GZF1: variants seen among roughly 807,000 people sequenced by gnomAD.
GZF1 encodes GDNF inducible zinc finger protein 1.
In GZF1, 28 loss-of-function variants were observed where a neutral mutation model predicts 49.4. The ratio of observed to expected loss-of-function variants is 0.57; its 90% confidence interval spans 0.42 to 0.78. The LOEUF (loss-of-function observed/expected upper bound fraction) is 0.78. GZF1 is among the 30% of genes least tolerant of loss of function. The pLI is 0.00. For missense variants in GZF1, 798 were observed against 916.2 expected (o/e 0.87, Z 1.67); for synonymous variants, 364 against 356.0 (o/e 1.02, Z -0.25).
In GZF1 at chr20:23,364,533, G is replaced by A. The variant is rs540788122; in HGVS notation, c.150G>A (p.Lys50=). Reference sequence around the variant, plus strand: ...TCCGCAAAGACTTCATGGCCCACAAGGCAGTGCTGGCTGCCACCAGCAAGT... The same window carrying A: ...TCCGCAAAGACTTCATGGCCCACAAAGCAGTGCTGGCTGCCACCAGCAAGT... ...QGVRKDFMAH[K]AVLAATSKFF... The change falls in exon 2 of 6, where the codon AAG becomes AAA. Residue 50 remains lysine (K), a synonymous_variant. Coordinates refer to ENST00000338121, the MANE Select transcript of GZF1 (RefSeq NM_022482.5). The A allele has an allele frequency of 2.5e-6, 4 of 1,614,252 alleles. No individual in the cohort carries two copies. The highest frequency in any genetic ancestry group is 3.3e-5 in the Admixed American group (2 of 60,024).
rs766454027 is a variant in GZF1 at position 23,370,217 on chromosome 20, T to A, written c.1912T>A (p.Leu638Met). 8 of 1,614,162 alleles carry A rather than the reference T, an allele frequency of 5.0e-6. No homozygotes were observed. In the Admixed American group the frequency reaches 5.0e-5, roughly 10 times the overall value. Residue 638 changes from leucine (L) to methionine (M), a missense_variant, in exon 6 of 6, where the codon TTG becomes ATG. Leu to Met is a conservative substitution (Grantham distance 15). Around this residue, in one of 3 missense-constraint regions of GZF1, gnomAD observed 446 missense variants for 540.1 expected, o/e 0.83. Transcript: ENST00000338121. ...EYVSSKLSDK[L>M]LSFAENGHFH... is the part of the protein sequence containing the mutation. ...TGTGTCATCCAAGCTTTCGGATAAA[T>A]TGCTGTCTTTTGCAGAAAATGGCCA...
rs148077942 is a variant in GZF1 at position 23,370,210 on chromosome 20, G to A, written c.1905G>A (p.Ser635=). Residue 635 remains serine, a synonymous_variant, in exon 6 of 6, where the codon TCG becomes TCA. Coordinates refer to ENST00000338121, the MANE Select transcript of GZF1 (RefSeq NM_022482.5). ...PDEEYVSSKL[S]DKLLSFAENG... The stretch of plus-strand genomic sequence containing the variant: ...AAGAGTATGTGTCATCCAAGCTTTC[G>A]GATAAATTGCTGTCTTTTGCAGAAA... The A allele has an allele frequency of 4.3e-4, 694 of 1,614,072 alleles. No homozygotes were observed. Among genetic ancestry groups the A allele is most frequent in the Non-Finnish European group, 5.5e-4 (644 of 1,180,044 alleles).
upstream of GZF1, among the ~76,000 whole-genome samples, chr20:23,361,228 G>C (rs1005316337): frequency 1.3e-5 from 2 of 152,236 alleles, no homozygotes; most frequent in African/African-American, 2.4e-5. Flanking sequence ...GCCACAGTAA[G>C]GGACAGCATG....
chr20:23,363,492 A>G (rs1980936409), intron 1 of GZF1, among the ~76,000 whole-genome samples: 1 of 152,226 alleles, frequency 6.6e-6, no homozygotes. Flanking sequence ...GCCTTTGGCA[A>G]GGCTGAGGGG....
rs1982044058 is a variant in GZF1, at chr20:23,371,222, A to G, written c.*781A>G. On this transcript the variant is annotated 3_prime_UTR_variant, in exon 6 of 6. Transcript: ENST00000338121. ...AAAGAGTCTAGCAAAACAATATAGT[A>G]TTTTTTTGCAGAGGCATGAAAAATT... 6.6e-6 allele frequency: 1 copy of G among 152,610 alleles called. No homozygotes were observed. Among genetic ancestry groups the G allele is most frequent in the Non-Finnish European group, 1.5e-5 (1 of 68,034 alleles). The allele number at this position is 152,610 out of a possible 1,614,324, so 9.5% of individuals were successfully genotyped here.
intron 1 of GZF1, among the ~76,000 whole-genome samples, chr20:23,363,842 A>G (rs1414007081): frequency 6.6e-6 from 1 of 152,224 alleles, no homozygotes; most frequent in Non-Finnish European, 1.5e-5. Flanking sequence ...ATGGGCGATG[A>G]ATTGTGAACT....
At position 23,362,214 on chromosome 20, in the gene GZF1, T is replaced by G. The variant is rs2123014431; in HGVS notation, c.-45T>G. Reference sequence around the variant, plus strand: ...CCGGCCTGGTCCAGCGGACAGCGGCTGCAGCGGGGGCGCCGGCTGGGAGGT... The same window carrying G: ...CCGGCCTGGTCCAGCGGACAGCGGCGGCAGCGGGGGCGCCGGCTGGGAGGT... On this transcript the variant is annotated 5_prime_UTR_variant, in exon 1 of 6. Transcript: ENST00000338121. 6.6e-6 allele frequency: 1 copy of G among 152,118 alleles called. No individual in the cohort carries two copies. Among genetic ancestry groups the G allele is most frequent in the East Asian group, 1.9e-4 (1 of 5,156 alleles). 9.4% of individuals were successfully genotyped at this position (152,118 alleles called of 1,614,324 possible).
Position 23,370,074 on chromosome 20 carries a change from TTG to T in GZF1, c.1786-13_1786-12del. ...AGAGACACATTCAGTGACCTTTGTT[TTG>T]TGTTTAACTTATAGATACACGATAA... On this transcript the variant is annotated splice_polypyrimidine_tract_variant and intron_variant, in intron 5 of 5. Coordinates refer to ENST00000338121, the MANE Select transcript of GZF1 (RefSeq NM_022482.5). 6.3e-7 allele frequency: 1 copy of T among 1,595,578 alleles called. No homozygotes were observed. The highest frequency in any genetic ancestry group is 1.1e-5 in the South Asian group (1 of 90,632).
intron 1 of GZF1, among the ~76,000 whole-genome samples, chr20:23,363,988 C>A (rs575865572): frequency 6.6e-6 from 1 of 152,326 alleles, no homozygotes; most frequent in South Asian, 2.1e-4. Context: ...GTTTCCTGAT[C>A]AGAGAACTAG....
In GZF1 at chr20:23,370,655, T is replaced by C. The variant is rs536831719; in HGVS notation, c.*214T>C. The stretch of plus-strand genomic sequence containing the variant: ...CTGATCTGCATGATCTCAGCTACTT[T>C]ATTGACAAAAAGGCAGTGAACATAA... On this transcript the variant is annotated 3_prime_UTR_variant, in exon 6 of 6. Coordinates refer to ENST00000338121, the MANE Select transcript of GZF1 (RefSeq NM_022482.5). 3.5e-4 allele frequency: 195 copies of C among 556,198 alleles called. No individual in the cohort carries two copies. The highest frequency in any genetic ancestry group is 3.4e-3 in the African/African-American group (179 of 53,216). The allele number at this position is 556,198 out of a possible 1,614,324, so 34.5% of individuals were successfully genotyped here. A position where few individuals can be genotyped will look rare whatever the true frequency, so the allele number is the denominator to read the frequency against.
rs1341508671 is a variant in GZF1, at chr20:23,371,761, C to T, written c.*1320C>T. The T allele has an allele frequency of 6.6e-6, 1 of 152,162 alleles. No individual in the cohort carries two copies. The highest frequency in any genetic ancestry group is 1.5e-5 in the Non-Finnish European group (1 of 68,032). 9.4% of individuals were successfully genotyped at this position (152,162 alleles called of 1,614,324 possible). A position where few individuals can be genotyped will look rare whatever the true frequency, so the allele number is the denominator to read the frequency against. ...GGAGAATTCTTTTGTTCACTAGTTC[C>T]TTTTTTCTCTACATTTTTAATTTAT... On this transcript the variant is annotated 3_prime_UTR_variant, in exon 6 of 6. Coordinates refer to ENST00000338121, the MANE Select transcript of GZF1 (RefSeq NM_022482.5).
chr20:23,364,062 C>T (rs1002266853), intron 1 of GZF1, among the ~76,000 whole-genome samples: 1 of 152,176 alleles, frequency 6.6e-6, no homozygotes, highest in East Asian at 1.9e-4. Context: ...TAGACAGTGA[C>T]CTTGGTGAGC....
At chr20:23,370,067 C>T in intron 5 of GZF1, 24 bp from the exon 6 acceptor site, 1 of 1,578,734 alleles carries the variant, frequency 6.3e-7, no homozygotes, top group Non-Finnish European at 8.7e-7. Context: ...ATTCAGTGAC[C>T]TTTGTTTTGT....
chr20:23,367,176 A>C, intron 3 of GZF1, 79 bp downstream of exon 3: 1 of 1,047,960 alleles, frequency 9.5e-7, no homozygotes, highest in South Asian at 1.3e-5. Flanking sequence ...TGAAGTTGGC[A>C]TCTACCAAGG....
In GZF1 at chr20:23,372,644, G is replaced by A. The variant is rs1359735464; in HGVS notation, c.*2203G>A. On this transcript the variant is annotated 3_prime_UTR_variant, in exon 6 of 6. Transcript: ENST00000338121. ...GGGACTGGTTACAGAGGACCTCCTG[G>A]AGCATCTGCCCCATTCCTCCAAGTC... 6.6e-6 allele frequency: 1 copy of A among 152,228 alleles called. No individual in the cohort carries two copies. Among genetic ancestry groups the A allele is most frequent in the Non-Finnish European group, 1.5e-5 (1 of 68,082 alleles). 9.4% of individuals were successfully genotyped at this position (152,228 alleles called of 1,614,324 possible).
In GZF1 at chr20:23,364,763, A is replaced by G. The variant is rs1302977801; in HGVS notation, c.380A>G (p.Gln127Arg). ...KCLDLSETCF[Q>R]LKKQMLESVL... ...TTGGATTTATCAGAAACTTGTTTTC[A>G]ATTAAAGAAACAGATGTTAGAGTCA... is the stretch of plus-strand genomic sequence containing the variant. The change falls in exon 2 of 6, where the codon CAA (glutamine) becomes CGA (arginine). Residue 127 changes from glutamine to arginine, a missense_variant. Gln to Arg is a conservative substitution (Grantham distance 43). Transcript: ENST00000338121. 6.2e-7 allele frequency: 1 copy of G among 1,614,280 alleles called. No individual in the cohort carries two copies. The highest frequency in any genetic ancestry group is 1.1e-5 in the South Asian group (1 of 91,088).
In GZF1 at chr20:23,365,451, C is replaced by G; in HGVS notation, c.1068C>G (p.Thr356=). ...ACCGCTGCGACACCTGCGGCCAGAC[C>G]TTCGCCAACCGCTGCAACCTGAAGA... is the stretch of plus-strand genomic sequence containing the variant. ...VVYRCDTCGQ[T]FANRCNLKSH... Residue 356 remains threonine, a synonymous_variant, in exon 2 of 6, where the codon ACC becomes ACG. Coordinates refer to ENST00000338121, the MANE Select transcript of GZF1 (RefSeq NM_022482.5). 1.2e-6 allele frequency: 2 copies of G among 1,613,742 alleles called. No individual in the cohort carries two copies. Among genetic ancestry groups the G allele is most frequent in the Non-Finnish European group, 1.7e-6 (2 of 1,180,042 alleles).
In GZF1 at chr20:23,370,705, G is replaced by A. The variant is rs971809021; in HGVS notation, c.*264G>A. On this transcript the variant is annotated 3_prime_UTR_variant, in exon 6 of 6. Transcript: ENST00000338121. ...ACCTCACTTAATTCTGGTGTAGGGT[G>A]TATGTGCTAATCGTTCTAATTCTTG... 6.6e-6 allele frequency: 3 copies of A among 454,748 alleles called. No individual in the cohort carries two copies. Among genetic ancestry groups the A allele is most frequent in the Admixed American group, 4.0e-5 (1 of 24,846 alleles). 28.2% of individuals were successfully genotyped at this position (454,748 alleles called of 1,614,324 possible). A position where few individuals can be genotyped will look rare whatever the true frequency, so the allele number is the denominator to read the frequency against.
In GZF1 at chr20:23,368,970, CA is replaced by C. The variant is rs3833333; in HGVS notation, c.1627+51del. On this transcript the variant is annotated intron_variant, in intron 4 of 5. Transcript: ENST00000338121. ...CCCAGGGAAGGGAGTTTAGTTTGGC[CA>C]AAAAAAAAATTCTAAAGCTTGTAGA... is the stretch of plus-strand genomic sequence containing the variant. The C allele has an allele frequency of 0.32, 446,387 of 1,381,006 alleles. 64,577 individuals carry two copies. The highest frequency in any genetic ancestry group is 0.38 in the Admixed American group (15,844 of 41,192). The allele number at this position is 1,381,006 out of a possible 1,614,324, so 85.5% of individuals were successfully genotyped here.
Sources: allele counts gnomAD v4.1 joint callset (sites outside exome capture counted in the v4.1 genomes callset), GRCh38; gene constraint gnomAD v4.1.1; regional missense constraint gnomAD v4.1.1; transcripts MANE v1.5; gene names NCBI Gene and HGNC (gene_info 2026-07-23, HGNC 2026-07-21).